The following PDZRN3 variants were observed in gnomAD, a reference collection of about 807,000 sequenced individuals.
The protein encoded by PDZRN3 is PDZ domain containing ring finger 3.
Under a neutral mutation model 85.7 loss-of-function variants are expected in PDZRN3, and 38 were observed. The observed-to-expected ratio is 0.44, with a 90% CI of 0.34 to 0.58. PDZRN3 has a LOEUF of 0.58. Ranked by LOEUF, PDZRN3 falls within the 20% of genes least tolerant of loss-of-function variation. PDZRN3 has a pLI of 0.01. For synonymous variants in PDZRN3, 759 were observed against 638.0 expected, an observed-to-expected ratio of 1.19 and a Z score of -2.86; for missense variants, 1,629 against 1,506.4, an observed-to-expected ratio of 1.08 and a Z score of -1.35.
At chr3:73,605,806 C>T (rs1045263160) in intron 2 of PDZRN3, among the ~76,000 whole-genome samples, 1 of 152,208 alleles carries the variant, frequency 6.6e-6, no homozygotes, top group African/African-American at 2.4e-5. Context: ...AACACATGCA[C>T]ATGGAATTAA....
intron 3 of PDZRN3, among the ~76,000 whole-genome samples, chr3:73,449,180 A>C (rs756774225): frequency 3.3e-5 from 5 of 152,234 alleles, no homozygotes; most frequent in Admixed American, 6.5e-5. Flanking sequence ...AAATGAAAAG[A>C]GGAGACAGAA....
At chr3:73,486,556 C>T (rs1003276793) in intron 3 of PDZRN3, among the ~76,000 whole-genome samples, 3 of 152,070 alleles carry the variant, frequency 2.0e-5, no homozygotes, top group East Asian at 1.9e-4. Context: ...AAGTGATGGA[C>T]GTAAGACAAC....
intron 7 of PDZRN3, among the ~76,000 whole-genome samples, chr3:73,389,026 C>T (rs1314351071): frequency 6.6e-6 from 1 of 150,504 alleles, no homozygotes; most frequent in African/African-American, 2.4e-5. Flanking sequence ...GGCAAGCGAT[C>T]CTGAGCAGCA....
intron 3 of PDZRN3, among the ~76,000 whole-genome samples, chr3:73,511,201 A>C (rs774231473): frequency 1.3e-5 from 2 of 152,092 alleles, no homozygotes; most frequent in Non-Finnish European, 2.9e-5. Flanking sequence ...GTAAAAAACA[A>C]TTAAGCAAGC....
intron 3 of PDZRN3, among the ~76,000 whole-genome samples, chr3:73,502,423 T>C (rs1703996520): frequency 6.6e-6 from 1 of 152,234 alleles, no homozygotes; most frequent in Non-Finnish European, 1.5e-5. Context: ...TGGGAACTGT[T>C]AGGTGGAGCT....
At chr3:73,571,779 G>A (rs751466038) in intron 3 of PDZRN3, among the ~76,000 whole-genome samples, 7 of 152,154 alleles carry the variant, frequency 4.6e-5, no homozygotes, top group Non-Finnish European at 8.8e-5. Flanking sequence ...TAAGACGGCT[G>A]CTCAGAACCG....
intron 1 of PDZRN3, chr3:73,621,697 T>C (rs1196216368): frequency 6.6e-6 from 1 of 152,162 alleles, no homozygotes; most frequent in East Asian, 1.9e-4. Flanking sequence ...CTAGGGCAGC[T>C]TCTGGGCCAG....
chr3:73,524,375 G>GGCATATTGC lies in PDZRN3; in HGVS notation c.918+77978_918+77979insGCAATATGC, dbSNP rs1252138964. Among the ~76,000 whole-genome samples, 8 of 152,298 alleles carry GGCATATTGC rather than the reference G, an allele frequency of 5.3e-5. No homozygotes were observed. The East Asian group carries it at 1.4e-3, about 26-fold the overall frequency. On this transcript the variant is annotated intron_variant, in intron 3 of 9. Coordinates refer to ENST00000263666, the MANE Select transcript of PDZRN3 (RefSeq NM_015009.3). ...ACCACAGTGATGCATATTACCACCA[G>GGCATATTGC]CTATCAAGGCAATCACAGGGAGATT...
intron 3 of PDZRN3, among the ~76,000 whole-genome samples, chr3:73,598,555 G>A (rs1421636744): frequency 6.6e-6 from 1 of 152,106 alleles, no homozygotes; most frequent in Non-Finnish European, 1.5e-5. Flanking sequence ...AGATGGAATA[G>A]GTATGACCAA....
rs77742474 is a variant in PDZRN3 at position 73,583,949 on chromosome 3, C to T, written c.918+18405G>A. On this transcript the variant is annotated intron_variant, in intron 3 of 9. Transcript: ENST00000263666. ...TATTCCCTAAATTAAATGAAAATGG[C>T]ATTTTAGTTTCCTTAAATAAGGTCT... Among the ~76,000 whole-genome samples, 724 of 152,228 alleles carry T rather than the reference C, an allele frequency of 4.8e-3. 5 individuals carry two copies. The highest frequency in any genetic ancestry group is 0.017 in the African/African-American group (690 of 41,542).
intron 3 of PDZRN3, among the ~76,000 whole-genome samples, chr3:73,533,352 C>T (rs1291720687): frequency 6.6e-6 from 1 of 152,146 alleles, no homozygotes; most frequent in Non-Finnish European, 1.5e-5. Context: ...AAGGACAGAA[C>T]TTCCTCCCAA....
chr3:73,492,948 A>C (rs1703798355), intron 3 of PDZRN3, among the ~76,000 whole-genome samples: 3 of 133,986 alleles, frequency 2.2e-5, no homozygotes, highest in South Asian at 4.8e-4. Context: ...ATAAATGAGT[A>C]CTCTTAGGGT....
intron 3 of PDZRN3, among the ~76,000 whole-genome samples, chr3:73,545,153 G>C (rs956624549): frequency 6.6e-6 from 1 of 152,184 alleles, no homozygotes; most frequent in Non-Finnish European, 1.5e-5. Context: ...AGCGCCTGGC[G>C]TCTCCTGACA....
intron 3 of PDZRN3, among the ~76,000 whole-genome samples, chr3:73,534,494 A>G (rs890991823): frequency 3.9e-4 from 59 of 152,198 alleles, no homozygotes; most frequent in African/African-American, 1.4e-3. Flanking sequence ...AACACTTAAG[A>G]GTTCTGGTGA....
chr3:73,388,070 CT>C lies in PDZRN3; in HGVS notation c.1417-2del, dbSNP rs200593963. The stretch of plus-strand genomic sequence containing the variant: ...GGTTCTGCACCTCTATCCCATTAAT[CT>C]TTTAAAAAAAAAGGGGGGGTGGGGA... On this transcript the variant is annotated splice_acceptor_variant, in intron 7 of 9. Transcript: ENST00000263666. LOFTEE classifies it high-confidence loss of function. 2.5e-6 allele frequency: 2 copies of C among 790,594 alleles called. No homozygotes were observed. The highest frequency in any genetic ancestry group is 2.2e-5 in the African/African-American group (1 of 45,070). 49.0% of individuals were successfully genotyped at this position (790,594 alleles called of 1,614,324 possible).
intron 3 of PDZRN3, among the ~76,000 whole-genome samples, chr3:73,411,504 G>A (rs1282881828): frequency 6.6e-6 from 1 of 152,182 alleles, no homozygotes; most frequent in East Asian, 1.9e-4. Context: ...TAGAGGCCGT[G>A]TCCATCCAGA....
chr3:73,458,365 T>C (rs1477231563), intron 3 of PDZRN3, among the ~76,000 whole-genome samples: 1 of 151,866 alleles, frequency 6.6e-6, no homozygotes, highest in Non-Finnish European at 1.5e-5. Context: ...AGTACTGGTT[T>C]CTTCTGCTGC....
chr3:73,466,255 C>G (rs1703210656), intron 3 of PDZRN3, among the ~76,000 whole-genome samples: 1 of 151,520 alleles, frequency 6.6e-6, no homozygotes, highest in Non-Finnish European at 1.5e-5. Context: ...TCTAAAATGA[C>G]CAACGAAAGT....
At chr3:73,564,514 C>T (rs890354159) in intron 3 of PDZRN3, among the ~76,000 whole-genome samples, 15 of 152,282 alleles carry the variant, frequency 9.9e-5, no homozygotes, top group African/African-American at 2.6e-4. Context: ...GTTTCTTCTC[C>T]GCCCTGCACT....
Sources: gnomAD v4.1 joint callset for allele counts (sites outside exome capture counted in the v4.1 genomes callset) on GRCh38, gnomAD v4.1.1 for gene constraint, MANE v1.5 for transcripts, NCBI Gene and HGNC (gene_info 2026-07-23, HGNC 2026-07-21) for gene names.